GABRA4: variants seen among roughly 807,000 people sequenced by gnomAD.
GABRA4 encodes the protein gamma-aminobutyric acid receptor subunit alpha-4.
Under a neutral mutation model 49.7 loss-of-function variants are expected in GABRA4, and 12 were observed. The ratio of observed to expected loss-of-function variants is 0.24; its 90% CI spans 0.15 to 0.39. The LOEUF (loss-of-function observed/expected upper bound fraction) is 0.39. Ranked by LOEUF, GABRA4 falls within the 10% of genes least tolerant of loss-of-function variation. The probability of loss-of-function intolerance (pLI) is 1.00; values close to 1 mark genes in which losing one functional copy is unlikely to be tolerated. For synonymous variants in GABRA4, 288 were observed against 240.2 expected (o/e 1.20, Z -1.84); for missense variants, 506 against 686.0 (o/e 0.74, Z 2.93).
intron 8 of GABRA4, among the ~76,000 whole-genome samples, chr4:46,963,223 T>C (rs1156429619): frequency 6.6e-6 from 1 of 151,772 alleles, no homozygotes; most frequent in Non-Finnish European, 1.5e-5. Flanking sequence ...AATCAGAATA[T>C]ATAAAGAGGT....
intron 2 of GABRA4, among the ~76,000 whole-genome samples, chr4:46,989,310 T>C (rs531525729): frequency 6.6e-6 from 1 of 152,296 alleles, no homozygotes; most frequent in African/African-American, 2.4e-5. Context: ...GAACGAGAGC[T>C]AGGGGATTAT....
intron 2 of GABRA4, among the ~76,000 whole-genome samples, chr4:46,982,508 A>T (rs1723392103): frequency 6.6e-6 from 1 of 151,972 alleles, no homozygotes; most frequent in Non-Finnish European, 1.5e-5. Flanking sequence ...AACTGTGAAA[A>T]ATTAATTTCC....
chr4:46,972,334 A>G (rs1356343869), intron 6 of GABRA4, among the ~76,000 whole-genome samples: 2 of 151,682 alleles, frequency 1.3e-5, no homozygotes, highest in Admixed American at 1.3e-4. Flanking sequence ...TTAATAGAAG[A>G]GACAGTGGGC....
chr4:46,926,481 G>A lies in GABRA4; in HGVS notation c.*1744C>T, dbSNP rs930571935. 4.0e-5 allele frequency: 6 copies of A among 151,800 alleles called. No homozygotes were observed. Among genetic ancestry groups the A allele is most frequent in the African/African-American group, 1.2e-4 (5 of 41,388 alleles). 9.4% of individuals were successfully genotyped at this position (151,800 alleles called of 1,614,324 possible). On this transcript the variant is annotated 3_prime_UTR_variant, in exon 9 of 9. Coordinates refer to ENST00000264318, the MANE Select transcript of GABRA4 (RefSeq NM_000809.4). ...AGATATGACTTACAATTAATATTTG[G>A]CATTTGCACAATTTTCAGGTATCAA... is the stretch of plus-strand genomic sequence containing the variant.
intron 8 of GABRA4, among the ~76,000 whole-genome samples, chr4:46,939,027 T>C (rs984507247): frequency 1.3e-5 from 2 of 152,044 alleles, no homozygotes; most frequent in African/African-American, 4.8e-5. Context: ...GTGGAAGTAA[T>C]ACTTAAGCTG....
At chr4:46,974,200 A>G in intron 6 of GABRA4, 32 bp downstream of exon 6, 1 of 1,584,356 alleles carries the variant, frequency 6.3e-7, no homozygotes, top group Non-Finnish European at 8.6e-7. Flanking sequence ...AACACCAAGT[A>G]GCATGTCGGC....
intron 6 of GABRA4, among the ~76,000 whole-genome samples, chr4:46,972,438 AT>A (rs947690248): frequency 2.6e-5 from 4 of 151,578 alleles, no homozygotes; most frequent in East Asian, 1.9e-4. Context: ...TTTTTAACCA[AT>A]TTTTTGAGGT....
chr4:46,945,331 C>A (rs1202668655), intron 8 of GABRA4, among the ~76,000 whole-genome samples: 1 of 152,134 alleles, frequency 6.6e-6, no homozygotes, highest in East Asian at 1.9e-4. Flanking sequence ...CATCAACCTG[C>A]ACCTTCCTCT....
intron 8 of GABRA4, 87 bp from the exon 9 acceptor site, chr4:46,928,842 A>T: frequency 3.6e-6 from 3 of 843,760 alleles, no homozygotes; most frequent in Non-Finnish European, 5.4e-6. Context: ...TCTTAAAATT[A>T]GTCATTTCCA....
chr4:46,954,784 G>A, intron 8 of GABRA4, among the ~76,000 whole-genome samples: 1 of 152,088 alleles, frequency 6.6e-6, no homozygotes, highest in Non-Finnish European at 1.5e-5. Context: ...CCTGCCTGCA[G>A]TTATTTCTAG....
intron 8 of GABRA4, among the ~76,000 whole-genome samples, chr4:46,956,809 T>G (rs1722384307): frequency 6.6e-6 from 1 of 152,124 alleles, no homozygotes; most frequent in Admixed American, 6.6e-5. Context: ...ACATTTCCTA[T>G]TGTCAGATTC....
At chr4:46,975,082 C>T (rs550363555) in intron 5 of GABRA4, among the ~76,000 whole-genome samples, 1 of 152,076 alleles carries the variant, frequency 6.6e-6, no homozygotes, top group African/African-American at 2.4e-5. Context: ...TTATTTGGCA[C>T]TCTGTGCAAA....
chr4:46,979,182 C>T, intron 2 of GABRA4, 84 bp from the exon 3 acceptor site: 1 of 799,184 alleles, frequency 1.3e-6, no homozygotes, highest in Non-Finnish European at 2.1e-6. Context: ...AGAGTAAATA[C>T]AGATATGATA....
intron 8 of GABRA4, among the ~76,000 whole-genome samples, chr4:46,945,225 C>G (rs755350811): frequency 8.5e-5 from 13 of 152,054 alleles, no homozygotes; most frequent in Non-Finnish European, 1.8e-4. Flanking sequence ...TAACTGATAA[C>G]CAGAATGAAA....
In GABRA4 at chr4:46,971,255, A is replaced by G; in HGVS notation, c.722-20T>C. 1 of 1,606,196 alleles carries G rather than the reference A, an allele frequency of 6.2e-7. No individual in the cohort carries two copies. Among genetic ancestry groups the G allele is most frequent in the Non-Finnish European group, 8.5e-7 (1 of 1,174,782 alleles). On this transcript the variant is annotated intron_variant, in intron 6 of 8. Coordinates refer to ENST00000264318, the MANE Select transcript of GABRA4 (RefSeq NM_000809.4). ...ATTCACCTGCCAAGAAAACAGGAGG[A>G]AAATGTGTTATCGGTTCTGCAGGCA...
At position 46,926,618 on chromosome 4, in the gene GABRA4, T is replaced by C. The variant is rs1249080371; in HGVS notation, c.*1607A>G. The C allele has an allele frequency of 6.6e-6, 1 of 151,862 alleles. No individual in the cohort carries two copies. The highest frequency in any genetic ancestry group is 1.9e-4 in the East Asian group (1 of 5,176). The allele number at this position is 151,862 out of a possible 1,614,324, so 9.4% of individuals were successfully genotyped here. On this transcript the variant is annotated 3_prime_UTR_variant, in exon 9 of 9. Transcript: ENST00000264318. ...GAGAGAGATTTTGTCTGCAAGGTGG[T>C]CATTTCTATCAATATGTTCCCTAAA...
chr4:46,925,230 G>T lies in GABRA4; in HGVS notation c.*2995C>A, dbSNP rs1482461900. 1 of 151,928 alleles carries T rather than the reference G, an allele frequency of 6.6e-6. No individual in the cohort carries two copies. The highest frequency in any genetic ancestry group is 2.4e-5 in the African/African-American group (1 of 41,430). 9.4% of individuals were successfully genotyped at this position (151,928 alleles called of 1,614,324 possible). On this transcript the variant is annotated 3_prime_UTR_variant, in exon 9 of 9. Transcript: ENST00000264318. ...TCTGTGACTCATTTCATCAAAAAAA[G>T]TGTGACTCTACTCTCTACCTACTTT...
In GABRA4 at chr4:46,993,353, C is replaced by T. The variant is rs1245146929; in HGVS notation, c.72G>A (p.Leu24=). ...AGAGAACTCACCAAACCGCCAGGCA[C>T]AGGAAGCGCAGGAGGGCGAAACTGA... ...AGVSFALLRF[L]CLAVCLNESP... is the part of the protein sequence containing the mutation. Residue 24 remains leucine, a synonymous_variant, in exon 1 of 9, where the codon CTG becomes CTA. Coordinates refer to ENST00000264318, the MANE Select transcript of GABRA4 (RefSeq NM_000809.4). 1.2e-6 allele frequency: 2 copies of T among 1,614,220 alleles called. No homozygotes were observed. Among genetic ancestry groups the T allele is most frequent in the Admixed American group, 3.3e-5 (2 of 60,034 alleles).
intron 7 of GABRA4, among the ~76,000 whole-genome samples, chr4:46,970,707 TTTTA>T (rs142227628): frequency 0.21 from 31,726 of 151,434 alleles, 3,504 homozygotes; most frequent in Middle Eastern, 0.27. Flanking sequence ...CAGCCATGAC[TTTTA>T]TTTGTTTTAT....
Sources: allele counts gnomAD v4.1 joint callset (sites outside exome capture counted in the v4.1 genomes callset), GRCh38; gene constraint gnomAD v4.1.1; transcripts MANE v1.5; gene names NCBI Gene and HGNC (gene_info 2026-07-23, HGNC 2026-07-21).